PCDHA11: variants seen among roughly 807,000 people sequenced by gnomAD.
PCDHA11 encodes the protein protocadherin alpha 11, also known as protocadherin alpha-11.
PCDHA11 carries 61 observed loss-of-function variants against 70.3 expected under a neutral mutation model. The observed-to-expected ratio is 0.87, with a 90% CI of 0.71 to 1.07. The LOEUF (loss-of-function observed/expected upper bound fraction) is 1.07. Among genes scored for constraint, PCDHA11 ranks in the 50% least tolerant of loss-of-function variants. PCDHA11 has a pLI of 0.00. For synonymous variants in PCDHA11, 633 were observed against 555.1 expected (o/e 1.14, Z -1.97); for missense variants, 1,324 against 1,237.5 (o/e 1.07, Z -1.05).
chr5:140,906,720 G>A (rs2072884338), intron 1 of PCDHA11, among the ~76,000 whole-genome samples: 1 of 152,182 alleles, frequency 6.6e-6, no homozygotes, highest in African/African-American at 2.4e-5. Context: ...CCTGGATTGT[G>A]CTGTTGTAGT....
At position 140,870,293 on chromosome 5, in the gene PCDHA11, T is replaced by C; in HGVS notation, c.1190T>C (p.Val397Ala). 6.2e-7 allele frequency: 1 copy of C among 1,614,182 alleles called. No homozygotes were observed. The highest frequency in any genetic ancestry group is 8.5e-7 in the Non-Finnish European group (1 of 1,180,026). ...ACGCCCCACGTTCCCTTCAAGCTGGTGTCCACCTTCAAGAATTACTACTCG... is the reference window on the plus strand; with the variant it reads ...ACGCCCCACGTTCCCTTCAAGCTGGCGTCCACCTTCAAGAATTACTACTCG... ...SLTPHVPFKL[V>A]STFKNYYSLV... Residue 397 changes from valine (V) to alanine (A), a missense_variant, in exon 1 of 4, where the codon GTG becomes GCG. Val to Ala is a moderately conservative substitution (Grantham distance 64). Coordinates refer to ENST00000398640, the MANE Select transcript of PCDHA11 (RefSeq NM_018902.5).
At position 140,869,392 on chromosome 5, in the gene PCDHA11, G is replaced by T; in HGVS notation, c.289G>T (p.Gly97Trp). 6.2e-7 allele frequency: 1 copy of T among 1,614,164 alleles called. No homozygotes were observed. Among genetic ancestry groups the T allele is most frequent in the Non-Finnish European group, 8.5e-7 (1 of 1,180,038 alleles). The change falls in exon 1 of 4, where the codon GGG (glycine) becomes TGG (tryptophan). Residue 97 changes from glycine (G) to tryptophan (W), a missense_variant. Coordinates refer to ENST00000398640, the MANE Select transcript of PCDHA11 (RefSeq NM_018902.5). ...TCGGATCGACCGCGAGGAGCTGTGCGGGCAGAGCGCGGAGTGCAGCATCCA... is the reference window on the plus strand; with the variant it reads ...TCGGATCGACCGCGAGGAGCTGTGCTGGCAGAGCGCGGAGTGCAGCATCCA... ...NSRIDREELC[G>W]QSAECSIHLE...
At chr5:140,927,818 A>C (rs1554205106) in intron 1 of PCDHA11, 1 of 1,614,190 alleles carries the variant, frequency 6.2e-7, no homozygotes, top group Admixed American at 1.7e-5. Flanking sequence ...TTGGAGGCAT[A>C]CATTGAGGCG....
At chr5:140,884,698 A>G (rs782573200) in intron 1 of PCDHA11, 13 of 1,502,610 alleles carry the variant, frequency 8.7e-6, no homozygotes, top group African/African-American at 1.4e-5. Context: ...CTTAGTAAAC[A>G]CTTTAGCCTT....
At position 140,869,619 on chromosome 5, in the gene PCDHA11, A is replaced by G. The variant is rs369497274; in HGVS notation, c.516A>G (p.Leu172=). The change falls in exon 1 of 4, where the codon CTA becomes CTG. Residue 172 remains leucine, a synonymous_variant. Transcript: ENST00000398640. The part of the protein sequence containing the change: ...IEENALLTYR[L]SKNEYFSLDS... ...AGAATGCTCTATTGACCTACAGGCT[A>G]AGTAAAAATGAGTATTTTTCTTTAG... The G allele has an allele frequency of 6.6e-5, 106 of 1,613,784 alleles. 2 individuals carry two copies. The Middle Eastern group carries it at 4.9e-3, about 75-fold the overall frequency.
chr5:140,967,425 C>G, intron 1 of PCDHA11: 2 of 1,613,296 alleles, frequency 1.2e-6, no homozygotes, highest in Non-Finnish European at 1.7e-6. Context: ...CGGGAGCAGG[C>G]AGCCTTGCAC....
chr5:140,876,718 G>A (rs1554168825), intron 1 of PCDHA11: 4 of 1,614,124 alleles, frequency 2.5e-6, no homozygotes, highest in African/African-American at 2.7e-5. Context: ...CCTGGACCGC[G>A]AGAGCGTGTC....
chr5:140,951,520 A>G (rs904780831), intron 1 of PCDHA11, among the ~76,000 whole-genome samples: 6 of 151,972 alleles, frequency 3.9e-5, no homozygotes, highest in Admixed American at 2.0e-4. Context: ...CTCATCTTAC[A>G]TGGCCGGTGC....
chr5:140,979,949 A>G (rs1554241287), intron 2 of PCDHA11, among the ~76,000 whole-genome samples: 2 of 152,248 alleles, frequency 1.3e-5, no homozygotes, highest in African/African-American at 4.8e-5. Context: ...TTAATGTGAA[A>G]TTAGTTTTAG....
At chr5:140,987,949 A>G (rs1251112253) in intron 3 of PCDHA11, among the ~76,000 whole-genome samples, 1 of 152,162 alleles carries the variant, frequency 6.6e-6, no homozygotes, top group Non-Finnish European at 1.5e-5. Context: ...CTGTCTGACA[A>G]AACCAACTCC....
chr5:140,926,778 A>G, intron 1 of PCDHA11: 1 of 1,393,042 alleles, frequency 7.2e-7, no homozygotes, highest in East Asian at 2.6e-5. Context: ...CGCAGCAGTG[A>G]CGGCCGGCAG....
Position 140,870,945 on chromosome 5 carries a change from G to T in PCDHA11, c.1842G>T (p.Ala614=). The change falls in exon 1 of 4, where the codon GCG becomes GCT. Residue 614 remains alanine, a synonymous_variant. Coordinates refer to ENST00000398640, the MANE Select transcript of PCDHA11 (RefSeq NM_018902.5). ...AWLSYELQPA[A]GGSRIPFRVG... Reference sequence around the variant, plus strand: ...TTTCATATGAATTGCAGCCGGCGGCGGGCGGCTCGCGCATCCCGTTCCGCG... The same window carrying T: ...TTTCATATGAATTGCAGCCGGCGGCTGGCGGCTCGCGCATCCCGTTCCGCG... The T allele has an allele frequency of 1.2e-6, 2 of 1,613,724 alleles. No homozygotes were observed. Among genetic ancestry groups the T allele is most frequent in the Non-Finnish European group, 1.7e-6 (2 of 1,179,898 alleles).
chr5:140,881,106 C>T (rs1233394839), intron 1 of PCDHA11, among the ~76,000 whole-genome samples: 1 of 152,114 alleles, frequency 6.6e-6, no homozygotes, highest in Non-Finnish European at 1.5e-5. Context: ...CACCATTTGG[C>T]CTGGGATTTT....
Position 141,009,767 on chromosome 5 carries a change from G to T in PCDHA11, c.2680G>T (p.Ala894Ser). ...PDKFIIPGSP[A>S]IISIRQEPTN... is the part of the protein sequence containing the mutation. Reference sequence around the variant, plus strand: ...CAAATTCATTATCCCAGGATCTCCTGCAATCATCTCCATCCGGCAGGAGCC... The same window carrying T: ...CAAATTCATTATCCCAGGATCTCCTTCAATCATCTCCATCCGGCAGGAGCC... The change falls in exon 4 of 4, where the codon GCA becomes TCA. Residue 894 changes from alanine to serine, a missense_variant. Coordinates refer to ENST00000398640, the MANE Select transcript of PCDHA11 (RefSeq NM_018902.5). 1 of 1,614,108 alleles carries T rather than the reference G, an allele frequency of 6.2e-7. No individual in the cohort carries two copies. Among genetic ancestry groups the T allele is most frequent in the South Asian group, 1.1e-5 (1 of 91,072 alleles).
chr5:140,959,525 C>G (rs1356711808), intron 1 of PCDHA11, among the ~76,000 whole-genome samples: 1 of 151,910 alleles, frequency 6.6e-6, no homozygotes, highest in Non-Finnish European at 1.5e-5. Flanking sequence ...TCTTTAAGAC[C>G]ATTAATTCAG....
chr5:140,925,585 A>T (rs1450626568), intron 1 of PCDHA11, among the ~76,000 whole-genome samples: 1 of 151,748 alleles, frequency 6.6e-6, no homozygotes, highest in Non-Finnish European at 1.5e-5. Flanking sequence ...AACATGGCGC[A>T]TGTATACATA....
intron 1 of PCDHA11, chr5:140,877,301 A>G: frequency 1.2e-6 from 2 of 1,613,876 alleles, no homozygotes. Context: ...CTGTCCTACG[A>G]GTTGCAACCG....
At position 141,009,794 on chromosome 5, in the gene PCDHA11, A is replaced by G. The variant is rs1314860754; in HGVS notation, c.2707A>G (p.Thr903Ala). 1.2e-6 allele frequency: 2 copies of G among 1,614,042 alleles called. No homozygotes were observed. Among genetic ancestry groups the G allele is most frequent in the South Asian group, 1.1e-5 (1 of 91,076 alleles). Reference protein sequence around the residue: ...PAIISIRQEPTNSQIDKSDFI... With the variant: ...PAIISIRQEPANSQIDKSDFI... ...AATCATCTCCATCCGGCAGGAGCCTACTAACAGCCAAATTGACAAAAGTGA... is the reference window on the plus strand; with the variant it reads ...AATCATCTCCATCCGGCAGGAGCCTGCTAACAGCCAAATTGACAAAAGTGA... The change falls in exon 4 of 4, where the codon ACT (threonine) becomes GCT (alanine). Residue 903 changes from threonine (T) to alanine (A), a missense_variant. Physicochemically the swap from Thr to Ala is moderately conservative, Grantham distance 58. Coordinates refer to ENST00000398640, the MANE Select transcript of PCDHA11 (RefSeq NM_018902.5).
intron 1 of PCDHA11, chr5:140,966,328 CG>C: frequency 2.5e-6 from 1 of 392,484 alleles, no homozygotes; most frequent in Non-Finnish European, 4.5e-6. Flanking sequence ...CGCTGGGATC[CG>C]GCAGGTCCAG....
Sources: allele counts gnomAD v4.1 joint callset (sites outside exome capture counted in the v4.1 genomes callset), GRCh38; gene constraint gnomAD v4.1.1; transcripts MANE v1.5; gene names NCBI Gene and HGNC (gene_info 2026-07-23, HGNC 2026-07-21).